ROBO1: variants seen among roughly 807,000 people sequenced by gnomAD.
ROBO1 encodes roundabout guidance receptor 1.
Under a neutral mutation model 195.9 loss-of-function variants are expected in ROBO1, and 149 were observed. That is an observed-to-expected ratio of 0.76 (90% CI 0.67 to 0.87). ROBO1 has a LOEUF of 0.87. Ranked by LOEUF, ROBO1 falls within the 40% of genes least tolerant of loss-of-function variation. The pLI, the probability that ROBO1 is intolerant of heterozygous loss-of-function variation, is 0.00. For synonymous variants in ROBO1, 816 were observed against 733.2 expected (o/e 1.11, Z -1.82); for missense variants, 1,933 against 2,068.3 (o/e 0.93, Z 1.27).
At chr3:79,264,697 C>T (rs2083003762) in intron 2 of ROBO1, among the ~76,000 whole-genome samples, 3 of 151,942 alleles carry the variant, frequency 2.0e-5, no homozygotes, top group Non-Finnish European at 4.4e-5. Flanking sequence ...GTTATAGACC[C>T]GTAAATTTCT....
intron 8 of ROBO1, among the ~76,000 whole-genome samples, chr3:78,694,179 T>C (rs948003315): frequency 1.3e-5 from 2 of 152,192 alleles, no homozygotes; most frequent in African/African-American, 4.8e-5. Context: ...GCTCAAATAA[T>C]ATATATTTAA....
At chr3:79,383,060 G>C (rs2036625688) in intron 2 of ROBO1, among the ~76,000 whole-genome samples, 1 of 152,030 alleles carries the variant, frequency 6.6e-6, no homozygotes, top group Non-Finnish European at 1.5e-5. Flanking sequence ...GTTCTCAATG[G>C]GCTGCTGGGG....
chr3:79,275,154 C>A (rs2030921844), intron 2 of ROBO1, among the ~76,000 whole-genome samples: 1 of 151,914 alleles, frequency 6.6e-6, no homozygotes, highest in African/African-American at 2.4e-5. Context: ...ACTCTAATGC[C>A]AAAACCAGAC....
At chr3:78,719,213 C>T (rs1012510927) in intron 5 of ROBO1, among the ~76,000 whole-genome samples, 9 of 152,010 alleles carry the variant, frequency 5.9e-5, no homozygotes, top group Non-Finnish European at 2.9e-5. Flanking sequence ...TCCCTCATAA[C>T]CAGAATGACG....
At chr3:78,711,372 TTC>T (rs2081712711) in intron 8 of ROBO1, among the ~76,000 whole-genome samples, 10 of 27,766 alleles carry the variant, frequency 3.6e-4, no homozygotes, top group Non-Finnish European at 5.2e-4. Flanking sequence ...CCTTCCTTCC[TTC>T]CTTCCTTCCT....
chr3:78,936,341 T>C (rs2039806862), intron 4 of ROBO1, among the ~76,000 whole-genome samples: 1 of 152,088 alleles, frequency 6.6e-6, no homozygotes, highest in Non-Finnish European at 1.5e-5. Flanking sequence ...ACAACTGCGC[T>C]ATGAAACCTG....
chr3:79,343,479 A>T (rs1476159005), intron 2 of ROBO1, among the ~76,000 whole-genome samples: 1 of 152,194 alleles, frequency 6.6e-6, no homozygotes, highest in Non-Finnish European at 1.5e-5. Flanking sequence ...TTTGAAATAA[A>T]TAAACTGAGC....
At chr3:78,748,199 A>C (rs1347590814) in intron 4 of ROBO1, among the ~76,000 whole-genome samples, 2 of 152,202 alleles carry the variant, frequency 1.3e-5, no homozygotes, top group African/African-American at 4.8e-5. Context: ...TAATCCCAGC[A>C]CTTTGGGAGG....
At chr3:79,510,764 G>A (rs9832405) in intron 2 of ROBO1, among the ~76,000 whole-genome samples, 56,839 of 151,808 alleles carry the variant, frequency 0.37, 11,244 homozygotes, top group East Asian at 0.5. Flanking sequence ...AGTTATTCTT[G>A]GCTCAATACA....
At chr3:79,549,758 T>A (rs1285762979) in intron 2 of ROBO1, among the ~76,000 whole-genome samples, 1 of 152,092 alleles carries the variant, frequency 6.6e-6, no homozygotes, top group Non-Finnish European at 1.5e-5. Flanking sequence ...CACAAAGGGA[T>A]GACTAGCTCT....
In ROBO1 at chr3:78,606,920, G is replaced by A; in HGVS notation, c.4557C>T (p.Asp1519=). Reference sequence around the variant, plus strand: ...TGCTTCCTTTTCTGTCTGATGATCTGTCTGTTCTTGCATCCATAGAAGGGA... The same window carrying A: ...TGCTTCCTTTTCTGTCTGATGATCTATCTGTTCTTGCATCCATAGAAGGGA... ...PKLPSMDART[D]RSSDRKGSSY... is the part of the protein sequence containing the mutation. Residue 1519 remains aspartate, a synonymous_variant, in exon 29 of 31, where the codon GAC becomes GAT. Transcript: ENST00000464233. 6.2e-7 allele frequency: 1 copy of A among 1,613,780 alleles called. No individual in the cohort carries two copies.
At chr3:79,679,330 C>T (rs1480475205) in intron 1 of ROBO1, among the ~76,000 whole-genome samples, 2 of 151,878 alleles carry the variant, frequency 1.3e-5, no homozygotes, top group East Asian at 1.9e-4. Flanking sequence ...TTTTACATAG[C>T]ATTCCATATT....
At chr3:79,423,753 T>C (rs970376197) in intron 2 of ROBO1, among the ~76,000 whole-genome samples, 10 of 152,066 alleles carry the variant, frequency 6.6e-5, no homozygotes, top group African/African-American at 1.9e-4. Flanking sequence ...ACGACAAATA[T>C]AAAGTGTAGT....
At chr3:78,878,907 A>C (rs1337083653) in intron 4 of ROBO1, among the ~76,000 whole-genome samples, 1 of 152,212 alleles carries the variant, frequency 6.6e-6, no homozygotes, top group African/African-American at 2.4e-5. Context: ...TAAATAAATA[A>C]AATAGTGCAA....
chr3:78,800,370 T>C (rs1454451958), intron 4 of ROBO1, among the ~76,000 whole-genome samples: 1 of 152,080 alleles, frequency 6.6e-6, no homozygotes, highest in Non-Finnish European at 1.5e-5. Context: ...AATTATAAAA[T>C]AGAAGACGAG....
chr3:79,007,928 CT>C (rs1274302170), intron 3 of ROBO1, among the ~76,000 whole-genome samples: 1 of 152,158 alleles, frequency 6.6e-6, no homozygotes, highest in African/African-American at 2.4e-5. Flanking sequence ...AAATAATGCT[CT>C]TTACAATACA....
intron 2 of ROBO1, among the ~76,000 whole-genome samples, chr3:79,450,180 C>T (rs572158994): frequency 1.3e-5 from 2 of 151,162 alleles, no homozygotes; most frequent in African/African-American, 2.4e-5. Context: ...ACAGACCAAC[C>T]TAAGCTAATA....
At chr3:79,681,181 G>A (rs756504695) in intron 1 of ROBO1, among the ~76,000 whole-genome samples, 23 of 152,018 alleles carry the variant, frequency 1.5e-4, no homozygotes, top group Non-Finnish European at 2.6e-4. Flanking sequence ...AACGATGAAG[G>A]AGTGGTAGCT....
intron 1 of ROBO1, among the ~76,000 whole-genome samples, chr3:79,765,913 C>A (rs1003088480): frequency 5.3e-5 from 8 of 152,124 alleles, no homozygotes; most frequent in Non-Finnish European, 1.0e-4. Context: ...TGGAAACAGA[C>A]AACCATCTCT....
Sources: gnomAD v4.1 joint callset for allele counts (sites outside exome capture counted in the v4.1 genomes callset) on GRCh38, gnomAD v4.1.1 for gene constraint, MANE v1.5 for transcripts, NCBI Gene and HGNC (gene_info 2026-07-23, HGNC 2026-07-21) for gene names.